Variants in KCNE1 observed in about 807,000 individuals in gnomAD.
KCNE1 encodes the protein potassium voltage-gated channel subfamily E member 1.
KCNE1 carries 1 observed loss-of-function variant against 2.9 expected under a neutral mutation model. The observed-to-expected ratio is 0.34, with a 90% confidence interval of 0.12 to 1.62. The LOEUF (loss-of-function observed/expected upper bound fraction) is 1.62. Among genes scored for constraint, KCNE1 ranks in the 40% most tolerant of loss-of-function variants. The pLI, the probability that KCNE1 is intolerant of heterozygous loss-of-function variation, is 0.36. For missense variants in KCNE1, 45 were observed against 150.5 expected (o/e 0.30, Z 3.67); for synonymous variants, 23 against 65.4 (o/e 0.35, Z 3.13).
chr21:34,509,207 A>G (rs1464994363), intron 2 of KCNE1, among the ~76,000 whole-genome samples: 3 of 152,210 alleles, frequency 2.0e-5, no homozygotes, highest in Non-Finnish European at 4.4e-5. Flanking sequence ...ACCAGAGCAC[A>G]TGTAGTGTTG....
intron 2 of KCNE1, among the ~76,000 whole-genome samples, chr21:34,508,749 A>G (rs933691776): frequency 1.3e-5 from 2 of 152,242 alleles, no homozygotes; most frequent in Admixed American, 1.3e-4. Flanking sequence ...GTGAATATAA[A>G]TGATGCAAAA....
chr21:34,498,578 T>C (rs1315535585), intron 2 of KCNE1, among the ~76,000 whole-genome samples: 1 of 152,248 alleles, frequency 6.6e-6, no homozygotes, highest in Non-Finnish European at 1.5e-5. Context: ...TAGCCATAGC[T>C]ACCAGCACCT....
chr21:34,502,820 CT>C (rs745486020), intron 2 of KCNE1, among the ~76,000 whole-genome samples: 1 of 152,248 alleles, frequency 6.6e-6, no homozygotes, highest in African/African-American at 2.4e-5. Flanking sequence ...TCACAACACT[CT>C]TTTTAAGTCA....
At chr21:34,497,440 A>G (rs1982879283) in intron 2 of KCNE1, among the ~76,000 whole-genome samples, 1 of 152,150 alleles carries the variant, frequency 6.6e-6, no homozygotes. Context: ...TCATTTATGA[A>G]GCTTAATTTT....
intron 2 of KCNE1, among the ~76,000 whole-genome samples, chr21:34,499,643 C>T (rs1044095880): frequency 1.3e-5 from 2 of 152,196 alleles, no homozygotes; most frequent in Non-Finnish European, 2.9e-5. Flanking sequence ...ATATTTTGTA[C>T]TAAATCCATT....
intron 2 of KCNE1, among the ~76,000 whole-genome samples, chr21:34,501,756 AC>A (rs988434039): frequency 6.6e-6 from 1 of 152,202 alleles, no homozygotes. Context: ...ACAAGCCCAG[AC>A]ACAAGAACCC....
chr21:34,505,045 A>C (rs1194405196), intron 2 of KCNE1, among the ~76,000 whole-genome samples: 2 of 152,206 alleles, frequency 1.3e-5, no homozygotes, highest in African/African-American at 4.8e-5. Context: ...ATACACATTA[A>C]ATGGGCGAAT....
chr21:34,499,849 T>TTC (rs1341151015), intron 2 of KCNE1, among the ~76,000 whole-genome samples: 4 of 152,230 alleles, frequency 2.6e-5, no homozygotes, highest in African/African-American at 9.6e-5. Flanking sequence ...TCCTGGTACG[T>TTC]TCCTGTGGTC....
intron 2 of KCNE1, among the ~76,000 whole-genome samples, chr21:34,503,822 T>A (rs911454691): frequency 6.6e-6 from 1 of 152,244 alleles, no homozygotes; most frequent in African/African-American, 2.4e-5. Context: ...TAGATTCTTA[T>A]GAAAGGTAGG....
chr21:34,507,975 G>A (rs1041814615), intron 2 of KCNE1, among the ~76,000 whole-genome samples: 1 of 152,068 alleles, frequency 6.6e-6, no homozygotes, highest in Non-Finnish European at 1.5e-5. Context: ...GAACATTTAT[G>A]AGGTGATTGC....
At chr21:34,511,976 A>G (rs1239325410) in intron 1 of KCNE1, 51 bp downstream of exon 1, 1 of 152,434 alleles carries the variant, frequency 6.6e-6, no homozygotes, top group Non-Finnish European at 1.5e-5. Flanking sequence ...GTGGACAGCC[A>G]TCACCATGGG....
At chr21:34,507,261 G>T (rs1226458704) in intron 2 of KCNE1, among the ~76,000 whole-genome samples, 1 of 152,158 alleles carries the variant, frequency 6.6e-6, no homozygotes, top group East Asian at 1.9e-4. Context: ...ATAGAAGAGA[G>T]AATGGCCAGG....
At chr21:34,498,434 C>T (rs1982939930) in intron 2 of KCNE1, among the ~76,000 whole-genome samples, 1 of 152,260 alleles carries the variant, frequency 6.6e-6, no homozygotes, top group African/African-American at 2.4e-5. Flanking sequence ...AGGGATGGGG[C>T]TTCCTGGGAG....
intron 2 of KCNE1, among the ~76,000 whole-genome samples, chr21:34,500,015 T>C (rs1179633506): frequency 6.6e-6 from 1 of 152,224 alleles, no homozygotes; most frequent in African/African-American, 2.4e-5. Context: ...GGTCTCACAA[T>C]GTTGCCCAGG....
At chr21:34,504,390 C>A (rs76811300) in intron 2 of KCNE1, among the ~76,000 whole-genome samples, 2 of 152,174 alleles carry the variant, frequency 1.3e-5, no homozygotes, top group Admixed American at 1.3e-4. Flanking sequence ...TTCATACTCT[C>A]CAGGGTGGCC....
chr21:34,506,141 GT>G (rs1308850045), intron 2 of KCNE1, among the ~76,000 whole-genome samples: 1 of 152,214 alleles, frequency 6.6e-6, no homozygotes, highest in African/African-American at 2.4e-5. Context: ...TCAGAATTAT[GT>G]GGCTATAGCC....
At chr21:34,510,635 C>T (rs1983788521) in intron 2 of KCNE1, 1 of 152,844 alleles carries the variant, frequency 6.5e-6, no homozygotes, top group African/African-American at 2.4e-5. Flanking sequence ...ACCTGGGACA[C>T]TTCCTCCCCC....
At chr21:34,508,653 T>A (rs937674675) in intron 2 of KCNE1, among the ~76,000 whole-genome samples, 2 of 152,250 alleles carry the variant, frequency 1.3e-5, no homozygotes, top group Non-Finnish European at 1.5e-5. Flanking sequence ...TGGGGTTTTT[T>A]AATTTTCACT....
intron 2 of KCNE1, among the ~76,000 whole-genome samples, chr21:34,502,019 G>T (rs1242213804): frequency 6.6e-6 from 1 of 152,204 alleles, no homozygotes; most frequent in Non-Finnish European, 1.5e-5. Context: ...ATACCTTAGT[G>T]TAGGAATGTT....
Sources: gnomAD v4.1 joint callset for allele counts (sites outside exome capture counted in the v4.1 genomes callset) on GRCh38, gnomAD v4.1.1 for gene constraint, MANE v1.5 for transcripts, NCBI Gene and HGNC (gene_info 2026-07-23, HGNC 2026-07-21) for gene names.